The following MTFR1 variants were observed in gnomAD, a reference collection of about 807,000 sequenced individuals.
MTFR1 encodes mitochondrial fission regulator 1, also known as chondrocyte protein with a poly-proline region.
A neutral mutation model predicts 38.8 loss-of-function variants in MTFR1; 28 were observed. That is an observed-to-expected ratio of 0.72 (90% CI 0.53 to 0.99). The LOEUF is 0.99. Among genes scored for constraint, MTFR1 ranks in the 50% least tolerant of loss-of-function variants. MTFR1 has a pLI of 0.00. For synonymous variants in MTFR1, 145 were observed against 137.0 expected, an observed-to-expected ratio of 1.06 and a Z score of -0.41; for missense variants, 358 against 395.5, an observed-to-expected ratio of 0.91 and a Z score of 0.81.
chr8:65,694,477 A>G (rs750391263), intron 4 of MTFR1, among the ~76,000 whole-genome samples: 5 of 152,324 alleles, frequency 3.3e-5, no homozygotes, highest in Middle Eastern at 3.4e-3. Context: ...TTAGAGACAT[A>G]TAATTATGTC....
At chr8:65,688,687 G>T (rs1334520410) in intron 3 of MTFR1, among the ~76,000 whole-genome samples, 1 of 150,738 alleles carries the variant, frequency 6.6e-6, no homozygotes, top group East Asian at 2.1e-4. Context: ...CTCGTGATCC[G>T]CCCGCCTTCA....
At chr8:65,733,896 G>C (rs917842603) in intron 3 of MTFR1, among the ~76,000 whole-genome samples, 1 of 152,138 alleles carries the variant, frequency 6.6e-6, no homozygotes, top group African/African-American at 2.4e-5. Flanking sequence ...CTAAGATCTA[G>C]GGAGAGAGCA....
intron 1 of MTFR1, among the ~76,000 whole-genome samples, chr8:65,645,182 C>T (rs1022968923): frequency 2.0e-5 from 3 of 152,340 alleles, no homozygotes; most frequent in African/African-American, 7.2e-5. Context: ...GCGGCGGCTC[C>T]CTTGGGTGCT....
At chr8:65,757,299 C>G (rs1808279163) in intron 3 of MTFR1, among the ~76,000 whole-genome samples, 1 of 152,218 alleles carries the variant, frequency 6.6e-6, no homozygotes, top group African/African-American at 2.4e-5. Flanking sequence ...AAGACTGTAA[C>G]AAGGGCTATG....
chr8:65,650,238 G>C (rs891726810), intron 1 of MTFR1, among the ~76,000 whole-genome samples: 1 of 120,398 alleles, frequency 8.3e-6, no homozygotes. Context: ...TTTTGAGACA[G>C]AGTTTTACTC....
chr8:65,647,359 A>G (rs1411979600), intron 1 of MTFR1, among the ~76,000 whole-genome samples: 2 of 152,122 alleles, frequency 1.3e-5, no homozygotes, highest in Non-Finnish European at 2.9e-5. Context: ...GTTGCCCAGG[A>G]TGCAGTGCAG....
At position 65,676,750 on chromosome 8, in the gene MTFR1, A is replaced by G. The variant is rs184944800; in HGVS notation, c.67-5603A>G. ...ATAATAATGTATGTAAAACTAGTCT[A>G]TAATAAATGAATTACCACATACAGC... On this transcript the variant is annotated intron_variant, in intron 2 of 7. Coordinates refer to ENST00000262146, the MANE Select transcript of MTFR1 (RefSeq NM_014637.4). Among the ~76,000 whole-genome samples, 3 of 152,340 alleles carry G rather than the reference A, an allele frequency of 2.0e-5. No homozygotes were observed. In the East Asian group the frequency reaches 5.8e-4, roughly 29 times the overall value.
At chr8:65,662,042 C>CCCTCTCTCTCTCA (rs1563435706) in intron 1 of MTFR1, among the ~76,000 whole-genome samples, 1 of 61,218 alleles carries the variant, frequency 1.6e-5, no homozygotes. Context: ...CCTCTCTCTC[C>CCCTCTCTCTCTCA]CTCTCTCTCT....
chr8:65,644,530 C>T (rs1444470771), upstream of MTFR1, among the ~76,000 whole-genome samples: 1 of 152,254 alleles, frequency 6.6e-6, no homozygotes, highest in Non-Finnish European at 1.5e-5. Context: ...AAGCAAGGTC[C>T]GCACAAAAGC....
At chr8:65,773,860 G>A (rs755435578), downstream of MTFR1, among the ~76,000 whole-genome samples, 10 of 151,942 alleles carry the variant, frequency 6.6e-5, no homozygotes, top group Admixed American at 3.9e-4. Flanking sequence ...TATATTTTTC[G>A]AATTCTCTTA....
In MTFR1 at chr8:65,669,874, G is replaced by C; in HGVS notation, c.-79G>C. 9.2e-7 allele frequency: 1 copy of C among 1,087,082 alleles called. No homozygotes were observed. Among genetic ancestry groups the C allele is most frequent in the Non-Finnish European group, 1.4e-6 (1 of 728,414 alleles). 67.3% of individuals were successfully genotyped at this position (1,087,082 alleles called of 1,614,324 possible). ...AGTATTTGCATTTTAAATTTTCAGT[G>C]TGTTTTATGGACCATGTGCTGCTAT... On this transcript the variant is annotated splice_region_variant and 5_prime_UTR_variant, in exon 2 of 8. Transcript: ENST00000262146.
At chr8:65,705,059 C>T (rs1805741044) in intron 5 of MTFR1, 130 bp downstream of exon 5, 2 of 785,738 alleles carry the variant, frequency 2.5e-6, no homozygotes, top group South Asian at 1.8e-5. Context: ...GGTACGGTGG[C>T]GCATGCCTGT....
chr8:65,719,876 A>AGG (rs1234304075), intron 3 of MTFR1: 1 of 246,854 alleles, frequency 4.1e-6, no homozygotes, highest in African/African-American at 2.2e-5. Flanking sequence ...GAGGCTAAGA[A>AGG]GGGGTCTCCT....
chr8:65,656,478 C>A (rs972395920), intron 1 of MTFR1, among the ~76,000 whole-genome samples: 8 of 150,852 alleles, frequency 5.3e-5, no homozygotes, highest in African/African-American at 1.5e-4. Context: ...GGACTACAGG[C>A]ATGTACCACC....
chr8:65,695,188 G>A (rs1389180731), intron 4 of MTFR1, among the ~76,000 whole-genome samples: 2 of 152,168 alleles, frequency 1.3e-5, no homozygotes, highest in East Asian at 1.9e-4. Flanking sequence ...TAAGAAACTG[G>A]CAGAAGAGGT....
chr8:65,776,585 A>G, the MTFR1 span, among the ~76,000 whole-genome samples: 1 of 152,124 alleles, frequency 6.6e-6, no homozygotes, highest in Non-Finnish European at 1.5e-5. Context: ...TTTCTATGTA[A>G]TCACTTACAG....
intron 3 of MTFR1, among the ~76,000 whole-genome samples, chr8:65,734,627 C>T (rs943444187): frequency 2.0e-5 from 3 of 152,172 alleles, no homozygotes; most frequent in Non-Finnish European, 4.4e-5. Context: ...CTAGCTGTTG[C>T]ACTCTGAAAC....
At chr8:65,762,349 A>G (rs1808538789) in intron 3 of MTFR1, among the ~76,000 whole-genome samples, 1 of 152,330 alleles carries the variant, frequency 6.6e-6, no homozygotes, top group East Asian at 1.9e-4. Context: ...TACATTTAGC[A>G]TGCATGAATG....
chr8:65,668,806 G>A (rs919596307), intron 1 of MTFR1, among the ~76,000 whole-genome samples: 3 of 152,114 alleles, frequency 2.0e-5, no homozygotes, highest in African/African-American at 7.2e-5. Flanking sequence ...GAACCACCAC[G>A]CCCGGCCTTA....
Sources: gnomAD v4.1 joint callset for allele counts (sites outside exome capture counted in the v4.1 genomes callset) on GRCh38, gnomAD v4.1.1 for gene constraint, MANE v1.5 for transcripts, NCBI Gene and HGNC (gene_info 2026-07-23, HGNC 2026-07-21) for gene names.